KCNH5: variants seen among roughly 807,000 people sequenced by gnomAD.
KCNH5 encodes the protein voltage-gated delayed rectifier potassium channel KCNH5.
KCNH5 carries 46 observed loss-of-function variants against 96.1 expected under a neutral mutation model. That is an observed-to-expected ratio of 0.48 (90% CI 0.38 to 0.61). The LOEUF (loss-of-function observed/expected upper bound fraction) is 0.61, where lower values mean the gene tolerates loss of function less well. Among genes scored for constraint, KCNH5 ranks in the 20% least tolerant of loss-of-function variants. The probability of loss-of-function intolerance (pLI) is 0.00; values close to 1 mark genes in which losing one functional copy is unlikely to be tolerated. For missense variants in KCNH5, 907 were observed against 1,225.8 expected (o/e 0.74, Z 3.88); for synonymous variants, 439 against 449.8 (o/e 0.98, Z 0.30).
chr14:63,034,758 T>A (rs1411778835), intron 1 of KCNH5, among the ~76,000 whole-genome samples: 1 of 152,230 alleles, frequency 6.6e-6, no homozygotes, highest in Admixed American at 6.5e-5. Flanking sequence ...TTCATCCAGC[T>A]ACAGTGGTTC....
At chr14:62,865,177 G>A (rs898226850) in intron 7 of KCNH5, among the ~76,000 whole-genome samples, 38 of 152,230 alleles carry the variant, frequency 2.5e-4, no homozygotes, top group Admixed American at 6.5e-4. Context: ...GACAGTCTAC[G>A]TGAGTTGGCA....
intron 4 of KCNH5, among the ~76,000 whole-genome samples, chr14:62,995,158 T>C (rs1890883224): frequency 6.6e-6 from 1 of 151,670 alleles, no homozygotes; most frequent in Non-Finnish European, 1.5e-5. Flanking sequence ...TCTAAGTTTC[T>C]TGGTAAAAAT....
chr14:63,010,320 G>A (rs747098056), intron 2 of KCNH5, among the ~76,000 whole-genome samples: 13 of 152,144 alleles, frequency 8.5e-5, no homozygotes, highest in Non-Finnish European at 1.6e-4. Context: ...AAATTATAAC[G>A]TGTTACACAA....
Position 62,733,947 on chromosome 14 carries a change from C to T in KCNH5, c.2020-25492G>A, listed in dbSNP as rs111376961. ...CTCTCAGGACATTTAACATACCCAA[C>T]ATGGTGCAGATCTCACTATCCAAAT... On this transcript the variant is annotated intron_variant, in intron 10 of 10. Transcript: ENST00000322893. 9.3e-3 allele frequency among the ~76,000 whole-genome samples: 1,409 copies of T among 152,256 alleles called. 23 individuals are homozygous for T. The highest frequency in any genetic ancestry group is 0.027 in the Middle Eastern group (8 of 294).
Position 62,701,778 on chromosome 14 carries a change from T to C in KCNH5, c.*5730A>G, listed in dbSNP as rs570742149. On this transcript the variant is annotated 3_prime_UTR_variant, in exon 11 of 11. Coordinates refer to ENST00000322893, the MANE Select transcript of KCNH5 (RefSeq NM_139318.5). Reference sequence around the variant, plus strand: ...ATAAATCACATTCAGAAAATTAACATTTTTTCATTAGAGAAAATTATTGAA... The same window carrying C: ...ATAAATCACATTCAGAAAATTAACACTTTTTCATTAGAGAAAATTATTGAA... 6.6e-6 allele frequency: 1 copy of C among 152,184 alleles called. No homozygotes were observed. The highest frequency in any genetic ancestry group is 1.9e-4 in the East Asian group (1 of 5,178). 9.4% of individuals were successfully genotyped at this position (152,184 alleles called of 1,614,324 possible). A position where few individuals can be genotyped will look rare whatever the true frequency, so the allele number is the denominator to read the frequency against.
At chr14:63,007,028 G>T (rs1329519231) in intron 2 of KCNH5, among the ~76,000 whole-genome samples, 2 of 152,154 alleles carry the variant, frequency 1.3e-5, no homozygotes, top group Non-Finnish European at 2.9e-5. Context: ...AAATAATAAT[G>T]TTGGAAGTGG....
At chr14:63,040,504 T>C (rs1891802625) in intron 1 of KCNH5, among the ~76,000 whole-genome samples, 1 of 152,142 alleles carries the variant, frequency 6.6e-6, no homozygotes, top group Admixed American at 6.6e-5. Context: ...TTATAAGACC[T>C]GAGTAAACCA....
intron 5 of KCNH5, among the ~76,000 whole-genome samples, chr14:62,984,850 T>C (rs560253999): frequency 3.9e-5 from 6 of 152,314 alleles, no homozygotes; most frequent in East Asian, 1.9e-4. Flanking sequence ...TTCTTTTCCG[T>C]TGATACAGTG....
chr14:62,810,767 G>C (rs1886857352), intron 8 of KCNH5, among the ~76,000 whole-genome samples: 1 of 152,114 alleles, frequency 6.6e-6, no homozygotes, highest in Admixed American at 6.6e-5. Flanking sequence ...TGGGCAATCA[G>C]CAGCCCTCAG....
At chr14:62,734,713 A>T (rs78813536) in intron 10 of KCNH5, among the ~76,000 whole-genome samples, 4,868 of 152,162 alleles carry the variant, frequency 0.032, 137 homozygotes, top group South Asian at 0.082. Flanking sequence ...ACCTATTAGC[A>T]TCTCTCTCCT....
At chr14:63,008,792 G>C (rs11851919) in intron 2 of KCNH5, among the ~76,000 whole-genome samples, 3,230 of 151,998 alleles carry the variant, frequency 0.021, 109 homozygotes, top group African/African-American at 0.074. Flanking sequence ...GCTCATGAGA[G>C]TTTCATAAAA....
At chr14:62,796,144 G>A (rs1301115035) in intron 9 of KCNH5, among the ~76,000 whole-genome samples, 1 of 152,118 alleles carries the variant, frequency 6.6e-6, no homozygotes, top group Non-Finnish European at 1.5e-5. Flanking sequence ...AAATACTAAT[G>A]AGGAGATTGA....
chr14:62,897,387 G>A (rs1888834947), intron 7 of KCNH5, among the ~76,000 whole-genome samples: 1 of 152,070 alleles, frequency 6.6e-6, no homozygotes. Context: ...GGTATTGTAA[G>A]GCAAGAAAAG....
In KCNH5 at chr14:63,019,323, C is replaced by T. The variant is rs1349674866; in HGVS notation, c.74-2369G>A. Among the ~76,000 whole-genome samples the T allele has an allele frequency of 5.3e-5, 8 of 151,972 alleles. No individual in the cohort carries two copies. The East Asian group carries it at 1.5e-3, about 29-fold the overall frequency. Reference sequence around the variant, plus strand: ...CAATCACAATGAAAATGACAACAGGCTTTTTTGAGGAAATTGAAAAATTAT... The same window carrying T: ...CAATCACAATGAAAATGACAACAGGTTTTTTTGAGGAAATTGAAAAATTAT... On this transcript the variant is annotated intron_variant, in intron 1 of 10. Coordinates refer to ENST00000322893, the MANE Select transcript of KCNH5 (RefSeq NM_139318.5).
At chr14:62,809,137 CT>C (rs1403233092) in intron 8 of KCNH5, among the ~76,000 whole-genome samples, 1 of 152,082 alleles carries the variant, frequency 6.6e-6, no homozygotes, top group Non-Finnish European at 1.5e-5. Context: ...CTATTTACAG[CT>C]TGTAGCAATT....
intron 4 of KCNH5, among the ~76,000 whole-genome samples, chr14:62,992,335 C>T (rs1433043628): frequency 6.6e-6 from 1 of 151,966 alleles, no homozygotes; most frequent in Non-Finnish European, 1.5e-5. Flanking sequence ...TCTTTTGGTA[C>T]ATATCCAGTA....
intron 8 of KCNH5, among the ~76,000 whole-genome samples, chr14:62,837,828 AT>A (rs1214428470): frequency 1.3e-5 from 2 of 152,206 alleles, no homozygotes; most frequent in Non-Finnish European, 2.9e-5. Context: ...AAACCAAATA[AT>A]AACTACCAGA....
chr14:62,818,149 G>C (rs977864453), intron 8 of KCNH5, among the ~76,000 whole-genome samples: 33 of 139,980 alleles, frequency 2.4e-4, no homozygotes, highest in Non-Finnish European at 6.1e-5. Context: ...TTTGTCAAAA[G>C]ATACACACTT....
intron 10 of KCNH5, among the ~76,000 whole-genome samples, chr14:62,714,730 T>G (rs185228832): frequency 1.3e-5 from 2 of 152,306 alleles, no homozygotes; most frequent in Admixed American, 1.3e-4. Flanking sequence ...AAAATATATA[T>G]CCTTACTTAT....
Sources: allele counts gnomAD v4.1 joint callset (sites outside exome capture counted in the v4.1 genomes callset), GRCh38; gene constraint gnomAD v4.1.1; transcripts MANE v1.5; gene names NCBI Gene and HGNC (gene_info 2026-07-23, HGNC 2026-07-21).